Variants in ANXA4 observed in about 807,000 individuals in gnomAD.
ANXA4 encodes the protein 35-beta calcimedin.
Under a neutral mutation model 49.8 loss-of-function variants are expected in ANXA4, and 39 were observed. The observed-to-expected ratio is 0.78, with a 90% CI of 0.61 to 1.02. ANXA4 has a LOEUF of 1.02. Ranked by LOEUF, ANXA4 falls within the 50% of genes least tolerant of loss-of-function variation. The pLI, the probability that ANXA4 is intolerant of heterozygous loss-of-function variation, is 0.00. For missense variants in ANXA4, 360 were observed against 410.1 expected (o/e 0.88, Z 1.05); for synonymous variants, 134 against 152.5 (o/e 0.88, Z 0.89).
rs111939635 is a variant in ANXA4 at position 69,812,223 on chromosome 2, G to C, written c.478-430G>C. On this transcript the variant is annotated intron_variant, in intron 7 of 12. Coordinates refer to ENST00000394295, the MANE Select transcript of ANXA4 (RefSeq NM_001153.5). ...CACTGCCTTGAACTCCTGGCCTCAA[G>C]ACATCCTCCCACCTCAGCCTCGAGT... is the stretch of plus-strand genomic sequence containing the variant. Among the ~76,000 whole-genome samples, 802 of 150,962 alleles carry C rather than the reference G, an allele frequency of 5.3e-3. 8 individuals are homozygous for C. Among genetic ancestry groups the C allele is most frequent in the African/African-American group, 0.019 (771 of 41,016 alleles).
At chr2:69,796,627 G>A (rs1437981121) in intron 3 of ANXA4, among the ~76,000 whole-genome samples, 1 of 152,178 alleles carries the variant, frequency 6.6e-6, no homozygotes, top group Admixed American at 6.5e-5. Context: ...GTAATGAGAA[G>A]GGAACATGTA....
chr2:69,817,351 AC>A (rs1333010150), intron 9 of ANXA4: 2 of 152,194 alleles, frequency 1.3e-5, no homozygotes, highest in African/African-American at 4.8e-5. Context: ...CATAATAACT[AC>A]CGTTTTGTTA....
chr2:69,694,268 A>C (rs1202991040), intron 2 of ANXA4, among the ~76,000 whole-genome samples: 1 of 152,170 alleles, frequency 6.6e-6, no homozygotes, highest in Non-Finnish European at 1.5e-5. Context: ...GTGAGAACGC[A>C]GCAGGAAGAT....
At chr2:69,709,740 T>G (rs1678616391) in intron 2 of ANXA4, among the ~76,000 whole-genome samples, 1 of 152,208 alleles carries the variant, frequency 6.6e-6, no homozygotes, top group Non-Finnish European at 1.5e-5. Flanking sequence ...GGTGGTCTGT[T>G]ATGCAATTAA....
intron 5 of ANXA4, 69 bp from the exon 6 acceptor site, chr2:69,807,837 T>C: frequency 1.6e-6 from 2 of 1,276,006 alleles, no homozygotes; most frequent in Non-Finnish European, 2.3e-6. Context: ...ACAGATGTAT[T>C]CCTTCTGTGT....
chr2:69,755,628 G>C (rs942737110), intron 1 of ANXA4, among the ~76,000 whole-genome samples: 21 of 152,146 alleles, frequency 1.4e-4, no homozygotes, highest in African/African-American at 4.3e-4. Context: ...TTTTTTTAAT[G>C]GTTAAAATGG....
At chr2:69,759,271 A>T (rs1247350882) in intron 1 of ANXA4, among the ~76,000 whole-genome samples, 1 of 152,222 alleles carries the variant, frequency 6.6e-6, no homozygotes, top group African/African-American at 2.4e-5. Flanking sequence ...TGTATAAAAT[A>T]TAGAAAATTA....
At chr2:69,687,073 T>G (rs1677815405) in intron 2 of ANXA4, among the ~76,000 whole-genome samples, 1 of 152,234 alleles carries the variant, frequency 6.6e-6, no homozygotes, top group South Asian at 2.1e-4. Flanking sequence ...TCAAGACACT[T>G]GCATGAGCGG....
At chr2:69,704,470 G>A (rs1306642272) in intron 2 of ANXA4, among the ~76,000 whole-genome samples, 1 of 152,168 alleles carries the variant, frequency 6.6e-6, no homozygotes, top group Non-Finnish European at 1.5e-5. Flanking sequence ...GGCCAACTCG[G>A]TTTATTTCTG....
intron 1 of ANXA4, among the ~76,000 whole-genome samples, chr2:69,752,573 C>T (rs1670888683): frequency 6.6e-6 from 1 of 152,214 alleles, no homozygotes; most frequent in Admixed American, 6.5e-5. Context: ...ACTCCTGACA[C>T]TTTCTGTGAT....
At chr2:69,751,995 G>A (rs191228582) in intron 1 of ANXA4, among the ~76,000 whole-genome samples, 1 of 152,158 alleles carries the variant, frequency 6.6e-6, no homozygotes, top group Non-Finnish European at 1.5e-5. Flanking sequence ...ATAATAATTT[G>A]ATATATATGT....
chr2:69,769,390 T>A (rs888436475), intron 1 of ANXA4, among the ~76,000 whole-genome samples: 2 of 152,222 alleles, frequency 1.3e-5, no homozygotes, highest in African/African-American at 4.8e-5. Flanking sequence ...GGCTTTCAAA[T>A]CAGGTAAACT....
intron 2 of ANXA4, among the ~76,000 whole-genome samples, chr2:69,706,109 T>C (rs1678486224): frequency 6.6e-6 from 1 of 151,876 alleles, no homozygotes; most frequent in Non-Finnish European, 1.5e-5. Flanking sequence ...GCTGAATTTT[T>C]ATAATGGCAA....
intron 1 of ANXA4, among the ~76,000 whole-genome samples, chr2:69,773,045 T>G (rs1190251537): frequency 6.6e-6 from 1 of 152,058 alleles, no homozygotes; most frequent in African/African-American, 2.4e-5. Flanking sequence ...AGAAAGAAAT[T>G]TGTTTTGTAC....
At chr2:69,717,426 GACACA>G in intron 2 of ANXA4, among the ~76,000 whole-genome samples, 1 of 152,120 alleles carries the variant, frequency 6.6e-6, no homozygotes, top group East Asian at 1.9e-4. Flanking sequence ...CTGGCTCATC[GACACA>G]AGCAGGTGGC....
intron 6 of ANXA4, 129 bp downstream of exon 6, chr2:69,808,125 C>A (rs1673528408): frequency 2.3e-6 from 2 of 851,346 alleles, no homozygotes; most frequent in Non-Finnish European, 3.7e-6. Flanking sequence ...CGGTGCCAAG[C>A]TCTGCTTCGA....
chr2:69,747,776 C>A lies in ANXA4; in HGVS notation c.-47+5601C>A, dbSNP rs992256815. ...TCATAGCTCACCGTACCCACAAACT[C>A]CTGGGTTTAAGCAATCCTTCCACTT... On this transcript the variant is annotated intron_variant, in intron 1 of 12. Coordinates refer to ENST00000394295, the MANE Select transcript of ANXA4 (RefSeq NM_001153.5). 1.2e-4 allele frequency among the ~76,000 whole-genome samples: 18 copies of A among 152,200 alleles called. 1 individual carries two copies. In the South Asian group the frequency reaches 2.9e-3, roughly 25 times the overall value.
chr2:69,730,304 C>G (rs995373117), intron 3 of ANXA4, among the ~76,000 whole-genome samples: 1 of 152,140 alleles, frequency 6.6e-6, no homozygotes, highest in Non-Finnish European at 1.5e-5. Flanking sequence ...GAGTTCGAGA[C>G]CAGCCTGGCC....
chr2:69,814,737 C>CAG (rs1176147320), intron 8 of ANXA4: 2 of 145,730 alleles, frequency 1.4e-5, no homozygotes, highest in Non-Finnish European at 3.0e-5. Flanking sequence ...GAGAGAGACA[C>CAG]AGAGGGGTGT....
Sources: allele counts gnomAD v4.1 joint callset (sites outside exome capture counted in the v4.1 genomes callset), GRCh38; gene constraint gnomAD v4.1.1; transcripts MANE v1.5; gene names NCBI Gene and HGNC (gene_info 2026-07-23, HGNC 2026-07-21).